ATP13A3: variants seen among roughly 807,000 people sequenced by gnomAD.
ATP13A3 encodes the protein ATPase 13A3, also known as polyamine-transporting ATPase 13A3.
In ATP13A3, 59 loss-of-function variants were observed where a neutral mutation model predicts 158.1. That is an observed-to-expected ratio of 0.37 (90% CI 0.30 to 0.46). The LOEUF (loss-of-function observed/expected upper bound fraction) is 0.46, where lower values mean the gene tolerates loss of function less well. Ranked by LOEUF, ATP13A3 falls within the 20% of genes least tolerant of loss-of-function variation. The probability of loss-of-function intolerance (pLI) is 1.00; values close to 1 mark genes in which losing one functional copy is unlikely to be tolerated. For missense variants in ATP13A3, 1,166 were observed against 1,525.2 expected (o/e 0.76, Z 3.92); for synonymous variants, 491 against 504.3 (o/e 0.97, Z 0.35).
At chr3:194,435,925 T>C (rs1717601701) in intron 20 of ATP13A3, among the ~76,000 whole-genome samples, 1 of 151,930 alleles carries the variant, frequency 6.6e-6, no homozygotes, top group South Asian at 2.1e-4. Context: ...AAAAAAGAAC[T>C]GTAGGCAATT....
intron 30 of ATP13A3, among the ~76,000 whole-genome samples, chr3:194,422,127 G>A (rs1258232947): frequency 1.3e-5 from 2 of 151,190 alleles, no homozygotes; most frequent in African/African-American, 2.4e-5. Flanking sequence ...GTTTAGCCTG[G>A]AGGAAAAAAA....
At chr3:194,440,474 C>G (rs1412878289) in intron 16 of ATP13A3, among the ~76,000 whole-genome samples, 2 of 152,166 alleles carry the variant, frequency 1.3e-5, no homozygotes, top group African/African-American at 4.8e-5. Context: ...GAACCCCTGT[C>G]GATAAGACCC....
At chr3:194,477,199 G>A (rs1720562268) in intron 2 of ATP13A3, among the ~76,000 whole-genome samples, 1 of 152,188 alleles carries the variant, frequency 6.6e-6, no homozygotes, top group Non-Finnish European at 1.5e-5. Context: ...AAGCTACTAA[G>A]CTTTGATTGT....
rs372454051 is a variant in ATP13A3 at position 194,454,419 on chromosome 3, C to T, written c.631-27G>A. ...TAAAAAACAAGATTTTAAAGTCAAA[C>T]TGAATGAGGTATTAATGACCATACA... On this transcript the variant is annotated intron_variant, in intron 8 of 33. Transcript: ENST00000645319. 1.1e-5 allele frequency: 18 copies of T among 1,587,558 alleles called. No homozygotes were observed. In the South Asian group the frequency reaches 1.3e-4, roughly 12 times the overall value.
chr3:194,472,546 T>G (rs565945966), intron 2 of ATP13A3, among the ~76,000 whole-genome samples: 3 of 152,328 alleles, frequency 2.0e-5, no homozygotes, highest in Admixed American at 6.5e-5. Flanking sequence ...GAAATAGAAC[T>G]GCTGCAGTTA....
intron 33 of ATP13A3, among the ~76,000 whole-genome samples, chr3:194,409,308 C>T (rs1715179367): frequency 6.6e-6 from 1 of 152,168 alleles, no homozygotes; most frequent in South Asian, 2.1e-4. Context: ...AAAACAAACA[C>T]AGAAAATCAG....
intron 6 of ATP13A3, 86 bp from the exon 7 acceptor site, chr3:194,457,260 A>G (rs1261116188): frequency 4.1e-6 from 4 of 976,822 alleles, no homozygotes; most frequent in Non-Finnish European, 6.3e-6. Flanking sequence ...GCCTGATTTT[A>G]TAAAGGTGTG....
rs1476493105 is a variant in ATP13A3 at position 194,404,410 on chromosome 3, G to T, written c.*1509C>A. ...GAACCATTTGGTCCTAAAATTCTAGGTAAAATTTGGTAAATTTGTAAATAT... is the reference window on the plus strand; with the variant it reads ...GAACCATTTGGTCCTAAAATTCTAGTTAAAATTTGGTAAATTTGTAAATAT... On this transcript the variant is annotated 3_prime_UTR_variant, in exon 34 of 34. Transcript: ENST00000645319. 1.6e-5 allele frequency: 3 copies of T among 186,056 alleles called. No homozygotes were observed. The highest frequency in any genetic ancestry group is 2.4e-5 in the African/African-American group (1 of 41,658). The allele number at this position is 186,056 out of a possible 1,614,324, so 11.5% of individuals were successfully genotyped here.
chr3:194,464,162 A>G (rs1286986549), intron 2 of ATP13A3, among the ~76,000 whole-genome samples: 1 of 152,242 alleles, frequency 6.6e-6, no homozygotes, highest in Non-Finnish European at 1.5e-5. Context: ...CTCCATCTCA[A>G]AAAAGAGAAG....
chr3:194,467,095 C>G (rs1310279598), intron 2 of ATP13A3, among the ~76,000 whole-genome samples: 2 of 152,210 alleles, frequency 1.3e-5, no homozygotes, highest in African/African-American at 4.8e-5. Flanking sequence ...ACAGACTTCC[C>G]ACTCCTGTAA....
rs138714734 is a variant in ATP13A3 at position 194,468,909 on chromosome 3, G to A, written c.-46-6673C>T. ...AAATGCATTATTCACCGAGGCGGGT[G>A]GAATGCCTGAGGTCAGGAGTTTGAG... On this transcript the variant is annotated intron_variant, in intron 2 of 33. Coordinates refer to ENST00000645319, the MANE Select transcript of ATP13A3 (RefSeq NM_001367549.1). Among the ~76,000 whole-genome samples the A allele has an allele frequency of 9.2e-5, 14 of 152,274 alleles. No homozygotes were observed. In the East Asian group the frequency reaches 2.7e-3, roughly 29 times the overall value.
In ATP13A3 at chr3:194,441,351, C is replaced by T; in HGVS notation, c.1670G>A (p.Gly557Asp). Residue 557 changes from glycine (G) to aspartate (D), a missense_variant, in exon 16 of 34, where the codon GGT (glycine) becomes GAT (aspartate). Coordinates refer to ENST00000645319, the MANE Select transcript of ATP13A3 (RefSeq NM_001367549.1). ...AAACATTTTCAGATCAAGTGGATCA[C>T]CAGAGAGCACTCCTTCAATTTTTGT... is the stretch of plus-strand genomic sequence containing the variant. Reference protein sequence around the residue: ...SLTKIEGVLSGDPLDLKMFEA... With the variant: ...SLTKIEGVLSDDPLDLKMFEA... 1 of 1,613,714 alleles carries T rather than the reference C, an allele frequency of 6.2e-7. No individual in the cohort carries two copies. The highest frequency in any genetic ancestry group is 8.5e-7 in the Non-Finnish European group (1 of 1,179,716).
intron 7 of ATP13A3, 110 bp downstream of exon 7, chr3:194,456,984 A>C (rs911648506): frequency 1.6e-6 from 1 of 636,166 alleles, no homozygotes; most frequent in African/African-American, 1.9e-5. Flanking sequence ...CTATGTCTGT[A>C]ATATTTAAGT....
chr3:194,481,401 A>G (rs1356346912), intron 2 of ATP13A3, among the ~76,000 whole-genome samples: 1 of 152,144 alleles, frequency 6.6e-6, no homozygotes, highest in Non-Finnish European at 1.5e-5. Context: ...AAAATGCAAA[A>G]GTTTTGAGAT....
intron 31 of ATP13A3, among the ~76,000 whole-genome samples, chr3:194,417,909 T>C (rs1715983089): frequency 6.9e-6 from 1 of 145,870 alleles, no homozygotes; most frequent in Admixed American, 7.3e-5. Flanking sequence ...CACAGTGAGC[T>C]GAGATCATAC....
At chr3:194,479,656 A>G (rs1048917647) in intron 2 of ATP13A3, among the ~76,000 whole-genome samples, 20 of 152,052 alleles carry the variant, frequency 1.3e-4, no homozygotes, top group Non-Finnish European at 4.4e-5. Flanking sequence ...GTTTAAAGAA[A>G]TCTAAAGGTC....
At chr3:194,425,720 G>C (rs1716720363) in intron 29 of ATP13A3, among the ~76,000 whole-genome samples, 191 bp from the exon 30 acceptor site, 1 of 152,150 alleles carries the variant, frequency 6.6e-6, no homozygotes, top group South Asian at 2.1e-4. Flanking sequence ...TTTCTCTTCA[G>C]TCCGACATCT....
chr3:194,486,103 C>T (rs963105775), intron 1 of ATP13A3, among the ~76,000 whole-genome samples: 1 of 152,130 alleles, frequency 6.6e-6, no homozygotes, highest in African/African-American at 2.4e-5. Context: ...CCACAGAGTC[C>T]GAGTGGGAGG....
chr3:194,462,923 A>G (rs1161865535), intron 2 of ATP13A3, among the ~76,000 whole-genome samples: 1 of 152,232 alleles, frequency 6.6e-6, no homozygotes, highest in Non-Finnish European at 1.5e-5. Context: ...CTACTAACAG[A>G]GTCTTCCTTT....
Sources: gnomAD v4.1 joint callset for allele counts (sites outside exome capture counted in the v4.1 genomes callset) on GRCh38, gnomAD v4.1.1 for gene constraint, MANE v1.5 for transcripts, NCBI Gene and HGNC (gene_info 2026-07-23, HGNC 2026-07-21) for gene names.